KMO: variants seen among roughly 807,000 people sequenced by gnomAD.
KMO encodes the protein kynurenine 3-monooxygenase, also known as kynurenine 3-hydroxylase.
Under a neutral mutation model 57.8 loss-of-function variants are expected in KMO, and 24 were observed. The observed-to-expected ratio is 0.42, with a 90% confidence interval of 0.30 to 0.58. The LOEUF is 0.58. Among genes scored for constraint, KMO ranks in the 20% least tolerant of loss-of-function variants. KMO has a pLI of 0.22. For missense variants in KMO, 483 were observed against 588.2 expected (o/e 0.82, Z 1.85); for synonymous variants, 210 against 193.6 (o/e 1.08, Z -0.70).
Position 241,593,735 on chromosome 1 carries a change from C to G in KMO, c.*1582C>G, listed in dbSNP as rs1446652911. 1.3e-5 allele frequency: 2 copies of G among 154,648 alleles called. No homozygotes were observed. The highest frequency in any genetic ancestry group is 4.8e-5 in the African/African-American group (2 of 41,436). The allele number at this position is 154,648 out of a possible 1,614,324, so 9.6% of individuals were successfully genotyped here. A position where few individuals can be genotyped will look rare whatever the true frequency, so the allele number is the denominator to read the frequency against. On this transcript the variant is annotated 3_prime_UTR_variant, in exon 15 of 15. Transcript: ENST00000366559. The stretch of plus-strand genomic sequence containing the variant: ...TGGCTTATATAGCATCGACAAAGAA[C>G]AGTAAATTTTTAGAGAAACAACAAA...
In KMO at chr1:241,592,347, C is replaced by T; in HGVS notation, c.*194C>T. The stretch of plus-strand genomic sequence containing the variant: ...GGTGCATTTTAAAAGATGAAACATG[C>T]AGCTTCCCTACATTACACACACTCA... On this transcript the variant is annotated 3_prime_UTR_variant, in exon 15 of 15. Transcript: ENST00000366559. 1 of 584,854 alleles carries T rather than the reference C, an allele frequency of 1.7e-6. No individual in the cohort carries two copies. The allele number at this position is 584,854 out of a possible 1,614,324, so 36.2% of individuals were successfully genotyped here.
intron 11 of KMO, 72 bp downstream of exon 11, chr1:241,586,808 T>C: frequency 9.5e-7 from 1 of 1,055,166 alleles, no homozygotes; most frequent in East Asian, 2.4e-5. Flanking sequence ...TTTCTGATCC[T>C]CAATGATCAC....
chr1:241,547,717 G>A (rs537855212), intron 1 of KMO, among the ~76,000 whole-genome samples: 5 of 152,200 alleles, frequency 3.3e-5, no homozygotes, highest in Admixed American at 6.5e-5. Flanking sequence ...TCAAGTGCTG[G>A]CAAAGATAAA....
intron 14 of KMO, among the ~76,000 whole-genome samples, chr1:241,590,640 A>T (rs1336877829): frequency 6.6e-6 from 1 of 152,244 alleles, no homozygotes; most frequent in Admixed American, 6.5e-5. Flanking sequence ...GAATGCTATA[A>T]TACATCCATT....
intron 5 of KMO, among the ~76,000 whole-genome samples, chr1:241,556,703 C>G (rs1392626292): frequency 6.6e-6 from 1 of 152,078 alleles, no homozygotes; most frequent in Admixed American, 6.5e-5. Flanking sequence ...TATGGTGAAA[C>G]CCTGTATCTA....
intron 2 of KMO, among the ~76,000 whole-genome samples, chr1:241,549,266 A>AAAGAAAGAAAGTCGGAAAGAAAGG: frequency 8.5e-6 from 1 of 117,644 alleles, no homozygotes; most frequent in African/African-American, 3.3e-5. Context: ...AGAAAGAAAG[A>AAAGAAAGAAAGTCGGAAAGAAAGG]AAGGAAGGAA....
chr1:241,551,057 C>A lies in KMO; in HGVS notation c.312+13C>A. On this transcript the variant is annotated intron_variant, in intron 4 of 14. Transcript: ENST00000366559. ...GACAAAGTCTCAGGTAGGTTTACCCCGGAGATCATTGTGCATTGATTATAA... is the reference window on the plus strand; with the variant it reads ...GACAAAGTCTCAGGTAGGTTTACCCAGGAGATCATTGTGCATTGATTATAA... The A allele has an allele frequency of 7.0e-7, 1 of 1,420,238 alleles. No individual in the cohort carries two copies. The highest frequency in any genetic ancestry group is 9.7e-7 in the Non-Finnish European group (1 of 1,027,930). 88.0% of individuals were successfully genotyped at this position (1,420,238 alleles called of 1,614,324 possible).
At chr1:241,558,246 A>C (rs1032322636) in intron 5 of KMO, among the ~76,000 whole-genome samples, 1 of 152,254 alleles carries the variant, frequency 6.6e-6, no homozygotes, top group African/African-American at 2.4e-5. Context: ...ACACACCAGA[A>C]GTTCCCCAAA....
intron 3 of KMO, chr1:241,550,074 G>T: frequency 1.2e-5 from 3 of 247,446 alleles, no homozygotes; most frequent in Admixed American, 5.5e-5. Flanking sequence ...AAAGGAGCCA[G>T]ATTCCTTTTT....
intron 1 of KMO, chr1:241,536,629 T>G (rs1660763335): frequency 1.4e-5 from 4 of 284,642 alleles, no homozygotes; most frequent in Non-Finnish European, 2.1e-5. Flanking sequence ...TGTCCACTAT[T>G]CTAGCATGTA....
chr1:241,587,151 T>C (rs1437360944), intron 11 of KMO, among the ~76,000 whole-genome samples: 1 of 152,112 alleles, frequency 6.6e-6, no homozygotes, highest in Admixed American at 6.5e-5. Context: ...GGGGAGATGG[T>C]TTCAGGATGA....
At chr1:241,556,158 C>T (rs1447674929) in intron 5 of KMO, among the ~76,000 whole-genome samples, 3 of 152,114 alleles carry the variant, frequency 2.0e-5, no homozygotes, top group African/African-American at 4.8e-5. Context: ...TTTTTAGAGA[C>T]GAAGTCTTGC....
intron 10 of KMO, among the ~76,000 whole-genome samples, chr1:241,573,487 A>G (rs1662382181): frequency 6.6e-6 from 1 of 152,056 alleles, no homozygotes; most frequent in Non-Finnish European, 1.5e-5. Context: ...TCATTCTTCT[A>G]CATGTGGCTA....
intron 1 of KMO, among the ~76,000 whole-genome samples, chr1:241,534,809 T>TA (rs1437404211): frequency 6.6e-6 from 1 of 152,182 alleles, no homozygotes; most frequent in Non-Finnish European, 1.5e-5. Context: ...ATCCCCTGCT[T>TA]AAAATCTTCC....
Position 241,594,235 on chromosome 1 carries a change from G to A in KMO, c.*2082G>A, listed in dbSNP as rs1333923889. 8 of 546,154 alleles carry A rather than the reference G, an allele frequency of 1.5e-5. No homozygotes were observed. Among genetic ancestry groups the A allele is most frequent in the South Asian group, 6.7e-5 (2 of 30,054 alleles). 33.8% of individuals were successfully genotyped at this position (546,154 alleles called of 1,614,324 possible). ...GGTTTTTTCATTATGTAAAGCACCCGTTGAATTAAAAGAATTTGTTTTTGT... is the reference window on the plus strand; with the variant it reads ...GGTTTTTTCATTATGTAAAGCACCCATTGAATTAAAAGAATTTGTTTTTGT... On this transcript the variant is annotated 3_prime_UTR_variant, in exon 15 of 15. Transcript: ENST00000366559.
intron 14 of KMO, 40 bp from the exon 15 acceptor site, chr1:241,591,913 T>A (rs1242439461): frequency 6.5e-7 from 1 of 1,529,754 alleles, no homozygotes; most frequent in Non-Finnish European, 9.1e-7. Flanking sequence ...CAGATTTTAA[T>A]CTCTGGACAA....
At chr1:241,581,261 CTT>C (rs369385605) in intron 10 of KMO, among the ~76,000 whole-genome samples, 21 of 152,086 alleles carry the variant, frequency 1.4e-4, no homozygotes, top group African/African-American at 4.6e-4. Context: ...ATAGTTGAGT[CTT>C]ATCTTTTTAT....
chr1:241,549,264 A>AG lies in KMO; in HGVS notation c.124+367dup, dbSNP rs779503814. ...AAGAAAGAAAGAAAGAAAGAAAGAA[A>AG]GAAAGGAAGGAAGAAAGAAAGAAAG... On this transcript the variant is annotated intron_variant, in intron 2 of 14. Transcript: ENST00000366559. 2.7e-4 allele frequency among the ~76,000 whole-genome samples: 37 copies of AG among 135,938 alleles called. 1 individual carries two copies. The highest frequency in any genetic ancestry group is 9.6e-4 in the African/African-American group (35 of 36,614). 89.2% of individuals were successfully genotyped at this position (135,938 alleles called of 152,430 possible). A position where few individuals can be genotyped will look rare whatever the true frequency, so the allele number is the denominator to read the frequency against.
chr1:241,585,622 T>G (rs1243659330), intron 10 of KMO, among the ~76,000 whole-genome samples: 1 of 151,850 alleles, frequency 6.6e-6, no homozygotes, highest in Non-Finnish European at 1.5e-5. Context: ...CTGGGCGTGG[T>G]GGTGCACGCC....
Sources: gnomAD v4.1 joint callset for allele counts (sites outside exome capture counted in the v4.1 genomes callset) on GRCh38, gnomAD v4.1.1 for gene constraint, MANE v1.5 for transcripts, NCBI Gene and HGNC (gene_info 2026-07-23, HGNC 2026-07-21) for gene names.